The following KIAA1217 variants were observed in gnomAD, a reference collection of about 807,000 sequenced individuals.
KIAA1217 encodes sickle tail protein homolog.
KIAA1217 carries 88 observed loss-of-function variants against 163.9 expected under a neutral mutation model. The observed-to-expected ratio is 0.54, with a 90% CI of 0.45 to 0.64. The LOEUF is 0.64. KIAA1217 is among the 30% of genes least tolerant of loss of function. The pLI, the probability that KIAA1217 is intolerant of heterozygous loss-of-function variation, is 0.00. For missense variants in KIAA1217, 2,372 were observed against 2,475.0 expected, an observed-to-expected ratio of 0.96 and a Z score of 0.88; for synonymous variants, 903 against 923.1, an observed-to-expected ratio of 0.98 and a Z score of 0.39.
At chr10:23,998,472 G>A (rs1846601375) in intron 1 of KIAA1217, among the ~76,000 whole-genome samples, 1 of 152,214 alleles carries the variant, frequency 6.6e-6, no homozygotes, top group Admixed American at 6.5e-5. Flanking sequence ...ATACATGGGA[G>A]GCCAATGGAG....
Position 24,013,463 on chromosome 10 carries a change from A to G in KIAA1217, c.-171+6089A>G, listed in dbSNP as rs149350908. On this transcript the variant is annotated intron_variant, in intron 2 of 18. Coordinates refer to the KIAA1217 transcript ENST00000376462. ...GGACAAAAGCCAAAGGCTTATAGGA[A>G]CCAAGCCCCGTATTTCCTCTAGGAG... Among the ~76,000 whole-genome samples the G allele has an allele frequency of 4.2e-3, 635 of 152,210 alleles. 5 individuals are homozygous for G. Among genetic ancestry groups the G allele is most frequent in the African/African-American group, 0.014 (586 of 41,556 alleles).
At chr10:24,142,626 T>TA (rs2064136936) in intron 2 of KIAA1217, among the ~76,000 whole-genome samples, 2 of 152,108 alleles carry the variant, frequency 1.3e-5, no homozygotes, top group African/African-American at 4.8e-5. Flanking sequence ...ACTTTTAATT[T>TA]AAAAAAGGAT....
chr10:24,136,473 A>G (rs995927938), intron 2 of KIAA1217, among the ~76,000 whole-genome samples: 6 of 146,346 alleles, frequency 4.1e-5, no homozygotes, highest in African/African-American at 1.5e-4. Flanking sequence ...AGTTATTCTT[A>G]CTATGATAAT....
intron 1 of KIAA1217, among the ~76,000 whole-genome samples, chr10:23,772,600 G>A (rs567148731): frequency 6.6e-6 from 1 of 152,286 alleles, no homozygotes; most frequent in East Asian, 1.9e-4. Flanking sequence ...TCAGAAATGT[G>A]ATACTCTGGG....
intron 1 of KIAA1217, among the ~76,000 whole-genome samples, chr10:23,948,728 T>G (rs538300010): frequency 6.6e-6 from 1 of 152,278 alleles, no homozygotes; most frequent in East Asian, 1.9e-4. Flanking sequence ...ATACCTAGAA[T>G]AGTATATATG....
At chr10:24,445,042 G>A (rs998116619) in intron 5 of KIAA1217, among the ~76,000 whole-genome samples, 3 of 152,150 alleles carry the variant, frequency 2.0e-5, no homozygotes, top group African/African-American at 4.8e-5. Flanking sequence ...CTCTACCATC[G>A]TTGTTCTAGA....
At chr10:24,457,497 C>G in intron 5 of KIAA1217, among the ~76,000 whole-genome samples, 1 of 152,096 alleles carries the variant, frequency 6.6e-6, no homozygotes, top group East Asian at 1.9e-4. Context: ...CTCCTGGGCT[C>G]AAGCCATCCT....
chr10:24,349,136 A>G (rs1176008117), intron 2 of KIAA1217, among the ~76,000 whole-genome samples: 2 of 149,708 alleles, frequency 1.3e-5, no homozygotes, highest in South Asian at 2.1e-4. Flanking sequence ...CTGTCTCAAA[A>G]AAAAAAAAAA....
intron 3 of KIAA1217, among the ~76,000 whole-genome samples, chr10:24,427,057 G>T (rs770090821): frequency 3.9e-5 from 6 of 152,136 alleles, no homozygotes; most frequent in Non-Finnish European, 7.3e-5. Context: ...GTGAGTAAGA[G>T]ATCTTGGTTA....
At chr10:24,146,217 C>T (rs2064303388) in intron 2 of KIAA1217, among the ~76,000 whole-genome samples, 1 of 143,586 alleles carries the variant, frequency 7.0e-6, no homozygotes, top group Non-Finnish European at 1.5e-5. Context: ...AAATAATCTC[C>T]CTGCATGCTT....
chr10:24,090,743 C>G (rs1186857640), intron 2 of KIAA1217, among the ~76,000 whole-genome samples: 4 of 151,810 alleles, frequency 2.6e-5, no homozygotes, highest in African/African-American at 9.7e-5. Flanking sequence ...GAGCTGCTTC[C>G]TAGCATTCTT....
chr10:23,758,690 T>C (rs1218668518), intron 1 of KIAA1217, among the ~76,000 whole-genome samples: 19 of 140,446 alleles, frequency 1.4e-4, no homozygotes, highest in Admixed American at 2.8e-4. Context: ...TTCTTTCTTT[T>C]TTTTTTTTTT....
intron 2 of KIAA1217, among the ~76,000 whole-genome samples, chr10:24,268,414 T>C (rs1476682602): frequency 6.6e-6 from 1 of 151,984 alleles, no homozygotes; most frequent in Non-Finnish European, 1.5e-5. Flanking sequence ...GAACAGACAC[T>C]TCTCAAAAGA....
intron 2 of KIAA1217, among the ~76,000 whole-genome samples, chr10:24,040,915 T>C (rs186696649): frequency 2.0e-5 from 3 of 152,356 alleles, no homozygotes. Context: ...GAACTCTACA[T>C]GGCAAAAATT....
chr10:24,490,784 G>C (rs942476235), intron 6 of KIAA1217, among the ~76,000 whole-genome samples: 1 of 152,158 alleles, frequency 6.6e-6, no homozygotes, highest in African/African-American at 2.4e-5. Flanking sequence ...TCTCCAGGGG[G>C]GATGTCAGAT....
Position 24,361,451 on chromosome 10 carries a change from G to T in KIAA1217, c.355-19418G>T, listed in dbSNP as rs2049987827. 5.3e-5 allele frequency among the ~76,000 whole-genome samples: 8 copies of T among 152,278 alleles called. No homozygotes were observed. The South Asian group carries it at 1.7e-3, about 32-fold the overall frequency. On this transcript the variant is annotated intron_variant, in intron 2 of 20. Transcript: ENST00000376454. ...GATCTTCCCACCTTGGCCTCCCAAA[G>T]TGCTGAATTTACAGGTGTGAGCCAC...
chr10:24,275,694 T>C (rs1360322667), intron 2 of KIAA1217: 2 of 519,286 alleles, frequency 3.9e-6, no homozygotes. Context: ...AGATTGATGC[T>C]GTTGGTTTGG....
intron 1 of KIAA1217, among the ~76,000 whole-genome samples, chr10:23,985,015 T>C (rs943796182): frequency 6.6e-6 from 1 of 152,122 alleles, no homozygotes; most frequent in Non-Finnish European, 1.5e-5. Context: ...TTTTGGGACA[T>C]GGCTCTCTAT....
chr10:23,754,937 A>G (rs1045437458), intron 1 of KIAA1217, among the ~76,000 whole-genome samples: 1 of 148,240 alleles, frequency 6.7e-6, no homozygotes, highest in Non-Finnish European at 1.5e-5. Flanking sequence ...GAATAAAATC[A>G]AAGGAAAAGG....
Sources: allele counts gnomAD v4.1 joint callset (sites outside exome capture counted in the v4.1 genomes callset), GRCh38; gene constraint gnomAD v4.1.1; transcripts MANE v1.5; gene names NCBI Gene and HGNC (gene_info 2026-07-23, HGNC 2026-07-21).